SPAG16: variants seen among roughly 807,000 people sequenced by gnomAD.
SPAG16 encodes the protein sperm-associated antigen 16 protein.
Under a neutral mutation model 80.4 loss-of-function variants are expected in SPAG16, and 86 were observed. That is an observed-to-expected ratio of 1.07 (90% CI 0.90 to 1.28). The LOEUF (loss-of-function observed/expected upper bound fraction) is 1.28, where lower values mean the gene tolerates loss of function less well. Ranked by LOEUF, SPAG16 falls within the 50% of genes most tolerant of loss-of-function variation. The pLI is 0.00. For missense variants in SPAG16, 870 were observed against 765.3 expected (o/e 1.14, Z -1.61); for synonymous variants, 294 against 265.9 (o/e 1.11, Z -1.03).
At chr2:214,342,056 T>C (rs1238053578) in intron 15 of SPAG16, among the ~76,000 whole-genome samples, 2 of 109,186 alleles carry the variant, frequency 1.8e-5, no homozygotes, top group Admixed American at 8.5e-5. Flanking sequence ...AATGAGAAAC[T>C]CCAAGAAAAA....
chr2:214,176,434 T>A (rs989871851), intron 15 of SPAG16, among the ~76,000 whole-genome samples: 4 of 151,376 alleles, frequency 2.6e-5, no homozygotes, highest in Non-Finnish European at 5.9e-5. Context: ...TATGCCCCTC[T>A]TATCTGTTCA....
intron 14 of SPAG16, among the ~76,000 whole-genome samples, chr2:214,140,393 T>C (rs943079745): frequency 4.6e-5 from 7 of 152,076 alleles, no homozygotes; most frequent in African/African-American, 1.7e-4. Context: ...ATTTTGTGGC[T>C]TATCACATAC....
intron 11 of SPAG16, among the ~76,000 whole-genome samples, chr2:213,904,883 G>A (rs971010395): frequency 1.8e-4 from 28 of 152,252 alleles, no homozygotes; most frequent in African/African-American, 5.5e-4. Flanking sequence ...GCTTTATTTC[G>A]TTGTTAGGGT....
At chr2:213,537,324 AAAAC>A (rs771283361) in intron 10 of SPAG16, among the ~76,000 whole-genome samples, 105 of 152,250 alleles carry the variant, frequency 6.9e-4, no homozygotes, top group South Asian at 1.7e-3. Context: ...ATAATAAAAT[AAAAC>A]AAACAAACAA....
intron 10 of SPAG16, among the ~76,000 whole-genome samples, chr2:213,850,170 T>G (rs1436325103): frequency 6.6e-6 from 1 of 152,212 alleles, no homozygotes; most frequent in Admixed American, 6.5e-5. Context: ...TGAATCTGTG[T>G]GTTTTGAAAT....
intron 13 of SPAG16, among the ~76,000 whole-genome samples, chr2:214,085,902 T>C (rs1357754907): frequency 1.3e-5 from 2 of 152,188 alleles, no homozygotes. Flanking sequence ...AAGCTTTTCC[T>C]CCCCTACATC....
rs1700807920 is a variant in SPAG16 at position 214,387,160 on chromosome 2, C to T, written c.1721-22980C>T. ...ATCTCCTCTGTGAAGTAAGCATTGT[C>T]TGACACCTTAGCCATTTGATGTCTC... On this transcript the variant is annotated intron_variant, in intron 15 of 15. Transcript: ENST00000331683. Among the ~76,000 whole-genome samples the T allele has an allele frequency of 2.6e-5, 4 of 152,246 alleles. No individual in the cohort carries two copies. In the South Asian group the frequency reaches 6.2e-4, roughly 24 times the overall value.
chr2:213,534,931 T>A (rs2076193037), intron 10 of SPAG16, among the ~76,000 whole-genome samples: 1 of 152,080 alleles, frequency 6.6e-6, no homozygotes, highest in Non-Finnish European at 1.5e-5. Context: ...CCTAATCCAG[T>A]ATGACTGGTG....
intron 10 of SPAG16, among the ~76,000 whole-genome samples, chr2:213,782,341 A>G (rs1031335711): frequency 6.6e-6 from 1 of 152,148 alleles, no homozygotes; most frequent in African/African-American, 2.4e-5. Flanking sequence ...GAAACAGGGA[A>G]ATCTCAAAAA....
chr2:213,595,070 T>C (rs1484600024), intron 10 of SPAG16, among the ~76,000 whole-genome samples: 1 of 151,926 alleles, frequency 6.6e-6, no homozygotes, highest in Non-Finnish European at 1.5e-5. Flanking sequence ...AACCGTAGCA[T>C]TCAATAGGTA....
chr2:213,624,793 G>C (rs908773998), intron 10 of SPAG16, among the ~76,000 whole-genome samples: 1 of 152,046 alleles, frequency 6.6e-6, no homozygotes, highest in Non-Finnish European at 1.5e-5. Flanking sequence ...CTTTGTCTCA[G>C]GTTTTTGTTT....
At chr2:213,383,791 A>G (rs567590159) in intron 9 of SPAG16, among the ~76,000 whole-genome samples, 96 of 152,340 alleles carry the variant, frequency 6.3e-4, no homozygotes, top group African/African-American at 2.2e-3. Context: ...GATTAACATA[A>G]TACAATAAAT....
intron 10 of SPAG16, among the ~76,000 whole-genome samples, chr2:213,831,457 A>G (rs1480397897): frequency 2.0e-5 from 3 of 151,276 alleles, no homozygotes; most frequent in East Asian, 1.9e-4. Context: ...TTCCTTTCTT[A>G]CATTTGTGTC....
intron 10 of SPAG16, among the ~76,000 whole-genome samples, chr2:213,729,243 A>G (rs1188535018): frequency 1.3e-5 from 2 of 152,208 alleles, no homozygotes; most frequent in Non-Finnish European, 2.9e-5. Flanking sequence ...CTTTAAGAAG[A>G]CAAGTGAATT....
At chr2:213,596,639 T>A (rs2124949871) in intron 10 of SPAG16, among the ~76,000 whole-genome samples, 1 of 152,296 alleles carries the variant, frequency 6.6e-6, no homozygotes, top group East Asian at 1.9e-4. Context: ...AAATTAAGAT[T>A]AAGGATTCTA....
chr2:214,028,417 GACTGAATAGAATTCTCA>G (rs1218733062), intron 13 of SPAG16, among the ~76,000 whole-genome samples: 15 of 152,138 alleles, frequency 9.9e-5, no homozygotes, highest in South Asian at 4.1e-4. Context: ...GCTATGGCTT[GACTGAATAGAATTCTCA>G]ACTGAATAGA....
At chr2:213,588,279 T>G (rs1056277936) in intron 10 of SPAG16, among the ~76,000 whole-genome samples, 1 of 152,214 alleles carries the variant, frequency 6.6e-6, no homozygotes, top group Non-Finnish European at 1.5e-5. Context: ...AGCATTTATA[T>G]GTTGTTCATT....
intron 15 of SPAG16, among the ~76,000 whole-genome samples, chr2:214,154,051 A>G (rs2056103588): frequency 6.6e-6 from 1 of 152,184 alleles, no homozygotes; most frequent in Non-Finnish European, 1.5e-5. Context: ...AATGCTACAC[A>G]TTTTTGTGAA....
At chr2:213,990,040 C>T (rs549329248) in intron 12 of SPAG16, among the ~76,000 whole-genome samples, 1 of 152,056 alleles carries the variant, frequency 6.6e-6, no homozygotes, top group South Asian at 2.1e-4. Flanking sequence ...CAGAAAGGAT[C>T]TGACATGGGG....
Sources: allele counts gnomAD v4.1 joint callset (sites outside exome capture counted in the v4.1 genomes callset), GRCh38; gene constraint gnomAD v4.1.1; transcripts MANE v1.5; gene names NCBI Gene and HGNC (gene_info 2026-07-23, HGNC 2026-07-21).